ZCCHC7: variants seen among roughly 807,000 people sequenced by gnomAD.
ZCCHC7 encodes zinc finger CCHC-type containing 7.
ZCCHC7 carries 35 observed loss-of-function variants against 52.0 expected under a neutral mutation model. The observed-to-expected ratio is 0.67, with a 90% CI of 0.51 to 0.89. The LOEUF is 0.89. ZCCHC7 is among the 40% of genes least tolerant of loss of function. The probability of loss-of-function intolerance (pLI) is 0.00; values close to 1 mark genes in which losing one functional copy is unlikely to be tolerated. For synonymous variants in ZCCHC7, 217 were observed against 221.5 expected, an observed-to-expected ratio of 0.98 and a Z score of 0.18; for missense variants, 574 against 649.1, an observed-to-expected ratio of 0.88 and a Z score of 1.26.
chr9:37,356,165 T>G (rs1489256903), intron 8 of ZCCHC7, among the ~76,000 whole-genome samples: 1 of 152,214 alleles, frequency 6.6e-6, no homozygotes, highest in Admixed American at 6.5e-5. Flanking sequence ...CTTTAAAGAT[T>G]CTATTGACTG....
chr9:37,164,807 C>A (rs772718384), intron 2 of ZCCHC7, among the ~76,000 whole-genome samples: 5 of 152,178 alleles, frequency 3.3e-5, no homozygotes, highest in Admixed American at 6.5e-5. Flanking sequence ...TTCAAGAGAT[C>A]TACTTGCCTT....
At chr9:37,273,346 AC>A (rs1827519442) in intron 2 of ZCCHC7, among the ~76,000 whole-genome samples, 1 of 152,164 alleles carries the variant, frequency 6.6e-6, no homozygotes. Context: ...TACTAAAAAT[AC>A]AAAAAATTAG....
At chr9:37,187,298 G>A (rs750529381) in intron 2 of ZCCHC7, among the ~76,000 whole-genome samples, 15 of 152,212 alleles carry the variant, frequency 9.9e-5, no homozygotes, top group Non-Finnish European at 1.8e-4. Flanking sequence ...GTTTCGAGAT[G>A]AAACTGTTCC....
chr9:37,343,656 T>C (rs1402218327), intron 6 of ZCCHC7, among the ~76,000 whole-genome samples: 1 of 152,232 alleles, frequency 6.6e-6, no homozygotes, highest in Non-Finnish European at 1.5e-5. Context: ...GCAGAGATTT[T>C]CAGTGTTTGT....
intron 8 of ZCCHC7, among the ~76,000 whole-genome samples, chr9:37,355,247 G>A (rs1170668994): frequency 1.3e-5 from 2 of 152,118 alleles, no homozygotes; most frequent in African/African-American, 4.8e-5. Flanking sequence ...AGAGGCCACC[G>A]CTGCAAGCAG....
chr9:37,251,503 A>G (rs1473661059), intron 2 of ZCCHC7, among the ~76,000 whole-genome samples: 2 of 151,980 alleles, frequency 1.3e-5, no homozygotes, highest in African/African-American at 4.8e-5. Flanking sequence ...TGGCTTGCTA[A>G]TCCTTGTGTT....
chr9:37,355,586 A>C (rs546452711), intron 8 of ZCCHC7, among the ~76,000 whole-genome samples: 40 of 152,324 alleles, frequency 2.6e-4, no homozygotes, highest in Non-Finnish European at 4.7e-4. Flanking sequence ...TTACATATTT[A>C]ATATAAAATG....
Position 37,268,572 on chromosome 9 carries a change from G to A in ZCCHC7, c.611-33616G>A, listed in dbSNP as rs186629102. On this transcript the variant is annotated intron_variant, in intron 2 of 8. Transcript: ENST00000336755. Reference sequence around the variant, plus strand: ...CTCCCAAGTAGCTGGGACTACAGGCGCCCGCCACCATGCCCAGCTAATTTT... The same window carrying A: ...CTCCCAAGTAGCTGGGACTACAGGCACCCGCCACCATGCCCAGCTAATTTT... Among the ~76,000 whole-genome samples the A allele has an allele frequency of 1.6e-3, 237 of 151,886 alleles. No individual in the cohort carries two copies. The East Asian group carries it at 0.021, about 14-fold the overall frequency.
intron 2 of ZCCHC7, among the ~76,000 whole-genome samples, chr9:37,194,947 C>CTTTTTTT (rs1169877667): frequency 6.0e-5 from 8 of 133,474 alleles, no homozygotes; most frequent in Non-Finnish European, 9.8e-5. Context: ...TCTCTTTTTT[C>CTTTTTTT]TTTTTTTTTT....
At chr9:37,263,646 T>A (rs1826965406) in intron 2 of ZCCHC7, among the ~76,000 whole-genome samples, 1 of 152,180 alleles carries the variant, frequency 6.6e-6, no homozygotes, top group Non-Finnish European at 1.5e-5. Context: ...TTAGACAATT[T>A]TATGTAATTA....
chr9:37,197,846 T>C (rs955254018), intron 2 of ZCCHC7, among the ~76,000 whole-genome samples: 1 of 152,242 alleles, frequency 6.6e-6, no homozygotes, highest in African/African-American at 2.4e-5. Flanking sequence ...CCAAATATTC[T>C]GAAGTGAAAT....
chr9:37,225,211 C>T (rs1043742457), intron 2 of ZCCHC7, among the ~76,000 whole-genome samples: 1 of 152,056 alleles, frequency 6.6e-6, no homozygotes, highest in African/African-American at 2.4e-5. Context: ...TCAATAAATT[C>T]AATAACTTAG....
At chr9:37,244,400 A>G (rs1484485364) in intron 2 of ZCCHC7, among the ~76,000 whole-genome samples, 1 of 151,894 alleles carries the variant, frequency 6.6e-6, no homozygotes, top group Admixed American at 6.6e-5. Flanking sequence ...AATGGTTTTT[A>G]AAATAGCCCA....
intron 2 of ZCCHC7, among the ~76,000 whole-genome samples, chr9:37,268,987 A>G (rs1162391357): frequency 6.6e-6 from 1 of 152,244 alleles, no homozygotes; most frequent in Non-Finnish European, 1.5e-5. Flanking sequence ...GAAGGCTTTT[A>G]TGGTGACGTT....
At chr9:37,171,852 A>G (rs1332580250) in intron 2 of ZCCHC7, among the ~76,000 whole-genome samples, 1 of 152,208 alleles carries the variant, frequency 6.6e-6, no homozygotes, top group African/African-American at 2.4e-5. Flanking sequence ...TATTGCTTAT[A>G]TTTGAGTAAG....
At chr9:37,249,515 C>T (rs1464199308) in intron 2 of ZCCHC7, among the ~76,000 whole-genome samples, 1 of 146,246 alleles carries the variant, frequency 6.8e-6, no homozygotes, top group Non-Finnish European at 1.5e-5. Context: ...CCTGTCGCCA[C>T]GCTGGAGTCC....
At chr9:37,173,072 A>G (rs975860924) in intron 2 of ZCCHC7, among the ~76,000 whole-genome samples, 2 of 151,206 alleles carry the variant, frequency 1.3e-5, no homozygotes, top group African/African-American at 4.9e-5. Flanking sequence ...TGGGCATTCC[A>G]ATAGGGACTT....
intron 2 of ZCCHC7, among the ~76,000 whole-genome samples, chr9:37,233,580 A>G (rs764821657): frequency 6.6e-6 from 1 of 152,232 alleles, no homozygotes; most frequent in Non-Finnish European, 1.5e-5. Flanking sequence ...TGTAGTCTCT[A>G]TCCATAAATC....
At chr9:37,254,307 C>T (rs2133410029) in intron 2 of ZCCHC7, among the ~76,000 whole-genome samples, 1 of 151,968 alleles carries the variant, frequency 6.6e-6, no homozygotes, top group East Asian at 1.9e-4. Context: ...TGAAAGTTGG[C>T]TGACATAAGA....
Sources: allele counts gnomAD v4.1 joint callset (sites outside exome capture counted in the v4.1 genomes callset), GRCh38; gene constraint gnomAD v4.1.1; transcripts MANE v1.5; gene names NCBI Gene and HGNC (gene_info 2026-07-23, HGNC 2026-07-21).